Variants in ANO10 observed in about 807,000 individuals in gnomAD.
ANO10 encodes anoctamin 10.
Under a neutral mutation model 74.7 loss-of-function variants are expected in ANO10, and 77 were observed. The ratio of observed to expected loss-of-function variants is 1.03; its 90% confidence interval spans 0.86 to 1.25. ANO10 has a LOEUF of 1.25. Ranked by LOEUF, ANO10 falls within the 50% of genes most tolerant of loss-of-function variation. ANO10 has a pLI of 0.00. For missense variants in ANO10, 721 were observed against 778.1 expected, an observed-to-expected ratio of 0.93 and a Z score of 0.87; for synonymous variants, 279 against 284.9, an observed-to-expected ratio of 0.98 and a Z score of 0.21.
intron 11 of ANO10, among the ~76,000 whole-genome samples, chr3:43,496,024 G>A (rs1394223744): frequency 6.6e-6 from 1 of 152,058 alleles, no homozygotes; most frequent in Non-Finnish European, 1.5e-5. Context: ...TTAAGAGCAA[G>A]TAGACAGTAA....
At chr3:43,459,416 A>G (rs1575900222) in intron 11 of ANO10, among the ~76,000 whole-genome samples, 2 of 152,326 alleles carry the variant, frequency 1.3e-5, no homozygotes, top group East Asian at 3.9e-4. Context: ...AGGGCCACAG[A>G]TAGTCTTCTG....
intron 7 of ANO10, among the ~76,000 whole-genome samples, chr3:43,572,788 G>C (rs1226579691): frequency 6.6e-6 from 1 of 152,158 alleles, no homozygotes; most frequent in Non-Finnish European, 1.5e-5. Flanking sequence ...ATGTGTACAG[G>C]TGTGAGTGCT....
intron 11 of ANO10, among the ~76,000 whole-genome samples, chr3:43,435,837 C>T (rs2093058013): frequency 6.6e-6 from 1 of 152,172 alleles, no homozygotes; most frequent in Non-Finnish European, 1.5e-5. Context: ...TGCTATCCTC[C>T]ACCCCTACCC....
At chr3:43,568,124 G>A (rs2080475018) in intron 7 of ANO10, among the ~76,000 whole-genome samples, 1 of 151,490 alleles carries the variant, frequency 6.6e-6, no homozygotes, top group Non-Finnish European at 1.5e-5. Context: ...AATTCGACAA[G>A]AAGAGCTAAC....
At chr3:43,553,537 C>CTTTTTTTTT (rs1259828062) in intron 10 of ANO10, among the ~76,000 whole-genome samples, 2 of 102,588 alleles carry the variant, frequency 1.9e-5, no homozygotes, top group African/African-American at 8.3e-5. Context: ...GATAATTTCT[C>CTTTTTTTTT]TCTTTTTTTT....
intron 4 of ANO10, among the ~76,000 whole-genome samples, chr3:43,583,883 C>A (rs1280669272): frequency 6.6e-6 from 1 of 152,210 alleles, no homozygotes; most frequent in South Asian, 2.1e-4. Context: ...ATATTAAAGA[C>A]ATAATATATG....
At chr3:43,476,741 A>G (rs1429457804) in intron 11 of ANO10, among the ~76,000 whole-genome samples, 1 of 152,202 alleles carries the variant, frequency 6.6e-6, no homozygotes, top group Non-Finnish European at 1.5e-5. Flanking sequence ...TGAGCAAGCT[A>G]TACCACTAAT....
chr3:43,610,086 A>G (rs1381836814), intron 1 of ANO10, among the ~76,000 whole-genome samples: 1 of 152,182 alleles, frequency 6.6e-6, no homozygotes, highest in African/African-American at 2.4e-5. Context: ...GTACAGCTGT[A>G]CAAAAATATT....
At position 43,618,799 on chromosome 3, in the gene ANO10, T is replaced by C. The variant is rs1575559551; in HGVS notation, c.-12+3110A>G. On this transcript the variant is annotated intron_variant, in intron 1 of 12. Coordinates refer to ENST00000292246, the MANE Select transcript of ANO10 (RefSeq NM_018075.5). Reference sequence around the variant, plus strand: ...TAATTAAAAGGCACCTTATTAGTTATACGTCTTTTTTTTTTTCTTTGAGGC... The same window carrying C: ...TAATTAAAAGGCACCTTATTAGTTACACGTCTTTTTTTTTTTCTTTGAGGC... Among the ~76,000 whole-genome samples the C allele has an allele frequency of 5.3e-5, 8 of 152,198 alleles. No individual in the cohort carries two copies. In the South Asian group the frequency reaches 1.0e-3, roughly 20 times the overall value.
intron 11 of ANO10, among the ~76,000 whole-genome samples, chr3:43,500,594 G>A (rs1042874852): frequency 7.9e-5 from 12 of 152,150 alleles, no homozygotes; most frequent in Non-Finnish European, 7.3e-5. Flanking sequence ...GTTAACCTTA[G>A]GCTCAGTGAA....
intron 1 of ANO10, among the ~76,000 whole-genome samples, chr3:43,687,552 CT>C: frequency 6.6e-6 from 1 of 152,308 alleles, no homozygotes; most frequent in South Asian, 2.1e-4. Context: ...AGTCTTTAGG[CT>C]ACAACCCTGG....
intron 1 of ANO10, among the ~76,000 whole-genome samples, chr3:43,630,208 C>T (rs1295270847): frequency 1.3e-5 from 2 of 152,122 alleles, no homozygotes; most frequent in African/African-American, 4.8e-5. Flanking sequence ...CTAGGATGAA[C>T]ATATTTGTCC....
chr3:43,367,250 T>A (rs2091444242), intron 12 of ANO10, among the ~76,000 whole-genome samples: 1 of 152,156 alleles, frequency 6.6e-6, no homozygotes, highest in South Asian at 2.1e-4. Flanking sequence ...CCTCCCTGGA[T>A]GGCCAGGATG....
intron 12 of ANO10, among the ~76,000 whole-genome samples, chr3:43,421,150 G>C (rs889145336): frequency 6.6e-6 from 1 of 152,096 alleles, no homozygotes; most frequent in African/African-American, 2.4e-5. Flanking sequence ...TTGAACCCAG[G>C]AGGTGGAAGT....
intron 12 of ANO10, chr3:43,372,917 C>A: frequency 6.9e-7 from 1 of 1,457,524 alleles, no homozygotes; most frequent in Non-Finnish European, 9.2e-7. Context: ...ACTTGTGAAG[C>A]CTCTTTTTTT....
intron 5 of ANO10, 100 bp from the exon 6 acceptor site, chr3:43,577,361 T>G: frequency 8.5e-7 from 1 of 1,172,694 alleles, no homozygotes; most frequent in Non-Finnish European, 1.2e-6. Context: ...GTGGGGATCA[T>G]TCAACCCTCA....
chr3:43,578,822 A>ATTCAAATT (rs372728099), intron 5 of ANO10, among the ~76,000 whole-genome samples: 126 of 151,418 alleles, frequency 8.3e-4, no homozygotes, highest in African/African-American at 2.7e-3. Context: ...TAGAGGCAAT[A>ATTCAAATT]TTCAAATTTC....
At chr3:43,508,435 C>T (rs531973948) in intron 11 of ANO10, among the ~76,000 whole-genome samples, 1 of 152,262 alleles carries the variant, frequency 6.6e-6, no homozygotes, top group African/African-American at 2.4e-5. Context: ...CCAGCAATCC[C>T]ATTACTGGGC....
In ANO10 at chr3:43,600,484, C is replaced by T; in HGVS notation, c.237G>A (p.Met79Ile). Residue 79 changes from methionine to isoleucine, a missense_variant, in exon 3 of 13, where the codon ATG (methionine) becomes ATA (isoleucine). Transcript: ENST00000292246. ...LYLVGASKIRMLLGAEAVGLV... is the reference protein window; with the variant it reads ...LYLVGASKIRILLGAEAVGLV... The stretch of plus-strand genomic sequence containing the variant: ...ATCCCACTGCTTCTGCCCCTAGTAA[C>T]ATTCTAATCTTGGAGGCACCAACAA... The T allele has an allele frequency of 8.7e-6, 14 of 1,614,138 alleles. No individual in the cohort carries two copies. Among genetic ancestry groups the T allele is most frequent in the Non-Finnish European group, 1.1e-5 (13 of 1,180,012 alleles).
Sources: allele counts gnomAD v4.1 joint callset (sites outside exome capture counted in the v4.1 genomes callset), GRCh38; gene constraint gnomAD v4.1.1; transcripts MANE v1.5; gene names NCBI Gene and HGNC (gene_info 2026-07-23, HGNC 2026-07-21).